COL16A1: variants seen among roughly 807,000 people sequenced by gnomAD.
COL16A1 encodes collagen type XVI alpha 1 chain, also known as collagen alpha-1(XVI) chain.
COL16A1 carries 189 observed loss-of-function variants against 266.3 expected under a neutral mutation model. That is an observed-to-expected ratio of 0.71 (90% confidence interval 0.63 to 0.80). The LOEUF is 0.80. Among genes scored for constraint, COL16A1 ranks in the 30% least tolerant of loss-of-function variants. COL16A1 has a pLI of 0.00. For synonymous variants in COL16A1, 740 were observed against 782.3 expected (o/e 0.95, Z 0.90); for missense variants, 1,928 against 2,122.4 (o/e 0.91, Z 1.80).
At chr1:31,702,077 C>A (rs372122181) in intron 2 of COL16A1, 44 bp downstream of exon 2, 2 of 1,613,528 alleles carry the variant, frequency 1.2e-6, no homozygotes, top group East Asian at 2.2e-5. Context: ...CCCAGGATAC[C>A]AGTTGCAGGC....
At position 31,656,611 on chromosome 1, in the gene COL16A1, A is replaced by G. The variant is rs1411523626; in HGVS notation, c.4057-167T>C. 6.6e-6 allele frequency among the ~76,000 whole-genome samples: 1 copy of G among 152,156 alleles called. No individual in the cohort carries two copies. Among genetic ancestry groups the G allele is most frequent in the African/African-American group, 2.4e-5 (1 of 41,438 alleles). ...AGCCTCCCTGCCCAGCTGGAAGGGA[A>G]AATAATGTCCTCTGGGGCATGGCCT... On this transcript the variant is annotated intron_variant, in intron 65 of 70. Coordinates refer to ENST00000373672, the MANE Select transcript of COL16A1 (RefSeq NM_001856.4). The surrounding 1 kb of genome is among the most constrained non-coding windows in gnomAD (Gnocchi z 4.2).
chr1:31,655,629 A>G, intron 66 of COL16A1, 127 bp from the exon 67 acceptor site: 3 of 1,486,410 alleles, frequency 2.0e-6, no homozygotes, highest in South Asian at 1.3e-5. Context: ...GCATCCTGAC[A>G]GGTCACTCCA....
chr1:31,679,410 C>G, intron 42 of COL16A1: 1 of 1,548,352 alleles, frequency 6.5e-7, no homozygotes, highest in Non-Finnish European at 8.7e-7. Flanking sequence ...ACAGCTGACG[C>G]AACAGTGCAT....
chr1:31,670,777 G>A lies in COL16A1; in HGVS notation c.3151-131C>T, dbSNP rs890533684. On this transcript the variant is annotated intron_variant, in intron 48 of 70. Coordinates refer to ENST00000373672, the MANE Select transcript of COL16A1 (RefSeq NM_001856.4). This position sits in a 1 kb window ranked among gnomAD's most constrained non-coding sequence, Gnocchi z 4.5. Reference sequence around the variant, plus strand: ...GAGTATTTTCAAGGCAGCTGGAAAAGAGACTCCTTGAAAGTCTTGGCTCAA... The same window carrying A: ...GAGTATTTTCAAGGCAGCTGGAAAAAAGACTCCTTGAAAGTCTTGGCTCAA... 4.4e-6 allele frequency: 3 copies of A among 684,172 alleles called. No homozygotes were observed. The African/African-American group carries it at 5.8e-5, about 13-fold the overall frequency. 42.4% of individuals were successfully genotyped at this position (684,172 alleles called of 1,614,324 possible).
chr1:31,697,957 A>G lies in COL16A1; in HGVS notation c.606T>C (p.Pro202=), dbSNP rs1213068537. The G allele has an allele frequency of 1.2e-6, 2 of 1,613,250 alleles. No individual in the cohort carries two copies. The highest frequency in any genetic ancestry group is 1.7e-5 in the Admixed American group (1 of 60,006). The change falls in exon 6 of 71, where the codon CCT becomes CCC. Residue 202 remains proline, a synonymous_variant. Transcript: ENST00000373672. This position sits in a 1 kb window ranked among gnomAD's most constrained non-coding sequence, Gnocchi z 4.2. ...QPLGPRRPMR[P]VGHVFLGLDA... The stretch of plus-strand genomic sequence containing the variant: ...CCAAGCCTAGAAATACATGGCCCAC[A>G]GGCCTCATGGGTCGTCGGGGCCCCA...
Position 31,693,138 on chromosome 1 carries a change from C to T in COL16A1, c.1025G>A (p.Arg342Gln), listed in dbSNP as rs368727058. Residue 342 changes from arginine to glutamine, a missense_variant, in exon 13 of 71, where the codon CGG (arginine) becomes CAG (glutamine). By Grantham distance (43) the Arg-to-Gln change is conservative. This residue lies in a region of COL16A1 where 1,552 missense variants were observed against 1,637.2 expected (regional missense o/e 0.95). Transcript: ENST00000373672. The part of the protein sequence containing the change: ...PSGPKGGKGE[R>Q]GLPGPPGSKG... The stretch of plus-strand genomic sequence containing the variant: ...GGAGCCTGGTGGACCAGGCAGGCCC[C>T]GCTCACCTTTCCCTCCCTGAGAGTG... 1.7e-5 allele frequency: 28 copies of T among 1,610,616 alleles called. 1 individual carries two copies. In the African/African-American group the frequency reaches 2.0e-4, roughly 12 times the overall value.
chr1:31,698,173 C>T lies in COL16A1; in HGVS notation c.391-1G>A, dbSNP rs757406606. The T allele has an allele frequency of 6.2e-7, 1 of 1,613,464 alleles. No homozygotes were observed. The highest frequency in any genetic ancestry group is 8.5e-7 in the Non-Finnish European group (1 of 1,179,884). On this transcript the variant is annotated splice_acceptor_variant, in intron 5 of 70. Coordinates refer to ENST00000373672, the MANE Select transcript of COL16A1 (RefSeq NM_001856.4). LOFTEE classifies it high-confidence loss of function. The surrounding 1 kb of genome is among the most constrained non-coding windows in gnomAD (Gnocchi z 4.1). ...CTTGGCTGTTGACTTCCAGGGATAT[C>T]TGGGTAGAATTTGGAAAGGGAAAGG...
rs571115649 is a variant in COL16A1 at position 31,680,955 on chromosome 1, G to C, written c.2584-24C>G. ...CCCTGCAGGGAAGAAACACAGGAAG[G>C]TGAGCAGATAGGGGTGCCGAGGCAG... On this transcript the variant is annotated intron_variant, in intron 38 of 70. Coordinates refer to ENST00000373672, the MANE Select transcript of COL16A1 (RefSeq NM_001856.4). The C allele has an allele frequency of 1.9e-6, 3 of 1,614,170 alleles. No individual in the cohort carries two copies. In the Admixed American group the frequency reaches 5.0e-5, roughly 27 times the overall value.
intron 42 of COL16A1, among the ~76,000 whole-genome samples, chr1:31,676,163 A>G (rs1187839017): frequency 2.0e-5 from 3 of 152,114 alleles, no homozygotes; most frequent in African/African-American, 7.2e-5. Context: ...CGTCTCTTCT[A>G]AAAATATAAA....
At chr1:31,686,001 G>A in intron 28 of COL16A1, 90 bp downstream of exon 28, 1 of 1,564,810 alleles carries the variant, frequency 6.4e-7, no homozygotes, top group Non-Finnish European at 8.7e-7. Context: ...CAGACAGCAA[G>A]GAGCCCCAGA....
chr1:31,698,268 G>A lies in COL16A1; in HGVS notation c.391-96C>T. On this transcript the variant is annotated intron_variant, in intron 5 of 70. Coordinates refer to ENST00000373672, the MANE Select transcript of COL16A1 (RefSeq NM_001856.4). The surrounding 1 kb of genome is among the most constrained non-coding windows in gnomAD (Gnocchi z 4.1). ...GACCTTGAACTCATTTCACAGGAGG[G>A]GAACTGAGGCCCAGAAAGAGAAGAA... 1 of 1,554,972 alleles carries A rather than the reference G, an allele frequency of 6.4e-7. No homozygotes were observed. Among genetic ancestry groups the A allele is most frequent in the Admixed American group, 1.9e-5 (1 of 52,384 alleles).
chr1:31,695,942 GCTGGCACCTACATGTCCTAAGCT>G, intron 9 of COL16A1, 123 bp downstream of exon 9: 1 of 984,482 alleles, frequency 1.0e-6, no homozygotes, highest in Non-Finnish European at 1.6e-6. Flanking sequence ...CTTGATCAGA[GCTGGCACCTACATGTCCTAAGCT>G]CTGTCCAGGA....
intron 47 of COL16A1, 88 bp from the exon 48 acceptor site, chr1:31,671,747 G>A: frequency 6.4e-7 from 1 of 1,555,126 alleles, no homozygotes; most frequent in Non-Finnish European, 8.8e-7. Context: ...CAGCTTGCCA[G>A]GGCCAAGGTC....
intron 47 of COL16A1, 106 bp from the exon 48 acceptor site, chr1:31,671,765 G>T: frequency 7.2e-7 from 1 of 1,392,028 alleles, no homozygotes; most frequent in Non-Finnish European, 1.0e-6. Context: ...GTCAACAGAG[G>T]GTGGCTGCTG....
In COL16A1 at chr1:31,685,616, C is replaced by T. The variant is rs1054031528; in HGVS notation, c.2016+23G>A. 1 of 1,611,226 alleles carries T rather than the reference C, an allele frequency of 6.2e-7. No homozygotes were observed. Among genetic ancestry groups the T allele is most frequent in the Non-Finnish European group, 8.5e-7 (1 of 1,178,190 alleles). Reference sequence around the variant, plus strand: ...CCCGCCTGCATCCCCCGTCCAGAGGCCCCTGCCTATATCCCACCTCACCTG... The same window carrying T: ...CCCGCCTGCATCCCCCGTCCAGAGGTCCCTGCCTATATCCCACCTCACCTG... On this transcript the variant is annotated intron_variant, in intron 29 of 70. Coordinates refer to ENST00000373672, the MANE Select transcript of COL16A1 (RefSeq NM_001856.4). This position sits in a 1 kb window ranked among gnomAD's most constrained non-coding sequence, Gnocchi z 4.0.
rs1644487584 is a variant in COL16A1 at position 31,696,086 on chromosome 1, A to ACCTTTGCTCCCCTTTCTG, written c.902_918+1dup. ...GGCTCCTCCCCCCACCCCCACCTCTACCTTTGCTCCCCTTTCTGCCTTCTG... is the reference window on the plus strand; with the variant it reads ...GGCTCCTCCCCCCACCCCCACCTCTACCTTTGCTCCCCTTTCTGCCTTTGCTCCCCTTTCTGCCTTCTG... On this transcript the variant is annotated splice_donor_variant, in intron 9 of 70. Transcript: ENST00000373672. LOFTEE classifies it high-confidence loss of function. The ACCTTTGCTCCCCTTTCTG allele has an allele frequency of 6.3e-7, 1 of 1,599,018 alleles. No individual in the cohort carries two copies. The highest frequency in any genetic ancestry group is 8.5e-7 in the Non-Finnish European group (1 of 1,174,552).
intron 37 of COL16A1, among the ~76,000 whole-genome samples, chr1:31,681,773 A>G (rs1643658775): frequency 6.6e-6 from 1 of 152,208 alleles, no homozygotes; most frequent in Non-Finnish European, 1.5e-5. Flanking sequence ...GGGCTCCGCC[A>G]CCTTCACACG....
chr1:31,658,775 G>A, intron 63 of COL16A1, 139 bp downstream of exon 63: 3 of 1,147,854 alleles, frequency 2.6e-6, no homozygotes, highest in South Asian at 1.4e-5. Flanking sequence ...GAGATCTTTG[G>A]AGGCAGGAGA....
chr1:31,695,842 C>T (rs1644473858), intron 9 of COL16A1, 55 bp from the exon 10 acceptor site: 12 of 1,511,922 alleles, frequency 7.9e-6, no homozygotes, highest in Non-Finnish European at 1.1e-5. Flanking sequence ...GGGCCGAGCA[C>T]TGTTTCCAAC....
Sources: allele counts gnomAD v4.1 joint callset (sites outside exome capture counted in the v4.1 genomes callset), GRCh38; gene constraint gnomAD v4.1.1; regional missense constraint gnomAD v4.1.1; non-coding constraint Gnocchi (gnomAD v3.1); transcripts MANE v1.5; gene names NCBI Gene and HGNC (gene_info 2026-07-23, HGNC 2026-07-21).